PRKG1: variants seen among roughly 807,000 people sequenced by gnomAD.
The protein encoded by PRKG1 is protein kinase cGMP-dependent 1.
Under a neutral mutation model 88.1 loss-of-function variants are expected in PRKG1, and 35 were observed. That is an observed-to-expected ratio of 0.40 (90% confidence interval 0.30 to 0.53). The LOEUF (loss-of-function observed/expected upper bound fraction) is 0.53. Ranked by LOEUF, PRKG1 falls within the 20% of genes least tolerant of loss-of-function variation. The pLI is 0.59. For missense variants in PRKG1, 540 were observed against 839.8 expected, an observed-to-expected ratio of 0.64 and a Z score of 4.41; for synonymous variants, 303 against 292.5, an observed-to-expected ratio of 1.04 and a Z score of -0.37.
intron 9 of PRKG1, among the ~76,000 whole-genome samples, chr10:52,245,753 A>T (rs551826838): frequency 2.2e-4 from 1 of 4,448 alleles, no homozygotes; most frequent in Non-Finnish European, 1.0e-3. Context: ...ACACCATTTT[A>T]TTTATTTATT....
chr10:52,030,129 C>G (rs753452713), intron 5 of PRKG1, among the ~76,000 whole-genome samples: 1 of 152,160 alleles, frequency 6.6e-6, no homozygotes, highest in Non-Finnish European at 1.5e-5. Context: ...CCACAGCTAC[C>G]TTTGTAACTC....
chr10:51,003,320 T>G (rs1309998666), intron 1 of PRKG1, among the ~76,000 whole-genome samples: 2 of 152,220 alleles, frequency 1.3e-5, no homozygotes, highest in African/African-American at 4.8e-5. Context: ...ATTCCCGAAG[T>G]ATAGCAGCAG....
At chr10:52,023,720 A>C (rs1177566771) in intron 5 of PRKG1, among the ~76,000 whole-genome samples, 1 of 152,150 alleles carries the variant, frequency 6.6e-6, no homozygotes, top group Non-Finnish European at 1.5e-5. Flanking sequence ...TCTTCTTTTG[A>C]GAAGTGTCTG....
chr10:51,271,734 C>A (rs529420875), intron 2 of PRKG1, among the ~76,000 whole-genome samples: 1 of 152,198 alleles, frequency 6.6e-6, no homozygotes. Context: ...CATGTCCCTG[C>A]AAAGGGCATG....
At chr10:51,948,126 T>C (rs1403261711) in intron 5 of PRKG1, among the ~76,000 whole-genome samples, 2 of 152,218 alleles carry the variant, frequency 1.3e-5, no homozygotes, top group Non-Finnish European at 2.9e-5. Context: ...CAATTTAAGA[T>C]ATTTATTAAA....
At chr10:51,769,226 A>T (rs1232798662) in intron 3 of PRKG1, among the ~76,000 whole-genome samples, 8 of 152,176 alleles carry the variant, frequency 5.3e-5, no homozygotes, top group African/African-American at 1.9e-4. Context: ...TCGGCGTCAG[A>T]GTGGTTCTCT....
intron 1 of PRKG1, among the ~76,000 whole-genome samples, chr10:51,126,143 ATATT>A (rs1845401086): frequency 8.5e-6 from 1 of 118,002 alleles, no homozygotes; most frequent in Non-Finnish European, 1.6e-5. Context: ...ATAATTATAT[ATATT>A]ATATAATTTT....
At chr10:51,309,335 G>A (rs147219032) in intron 2 of PRKG1, among the ~76,000 whole-genome samples, 2 of 152,238 alleles carry the variant, frequency 1.3e-5, no homozygotes, top group East Asian at 3.9e-4. Flanking sequence ...TGCAAACTAT[G>A]CATCCAACAG....
intron 2 of PRKG1, among the ~76,000 whole-genome samples, chr10:51,389,539 G>A (rs191175490): frequency 6.6e-6 from 1 of 152,174 alleles, no homozygotes; most frequent in East Asian, 1.9e-4. Flanking sequence ...GGGCATCCTG[G>A]GGCAGGCAGA....
chr10:51,301,218 A>G (rs1011785545), intron 2 of PRKG1, among the ~76,000 whole-genome samples: 2 of 152,164 alleles, frequency 1.3e-5, no homozygotes, highest in African/African-American at 4.8e-5. Context: ...CTTAAGCCCC[A>G]TGCTGAGTTC....
intron 8 of PRKG1, among the ~76,000 whole-genome samples, chr10:52,149,572 G>A (rs1431201967): frequency 1.3e-5 from 2 of 152,086 alleles, no homozygotes; most frequent in Admixed American, 6.6e-5. Flanking sequence ...CCAACAGGGC[G>A]CACATGCAGA....
At chr10:51,567,127 A>T (rs932934611) in intron 3 of PRKG1, among the ~76,000 whole-genome samples, 1 of 152,098 alleles carries the variant, frequency 6.6e-6, no homozygotes, top group East Asian at 1.9e-4. Flanking sequence ...ACATAACTTG[A>T]GGATTCAACT....
At chr10:51,518,348 C>T (rs928773781) in intron 3 of PRKG1, among the ~76,000 whole-genome samples, 2 of 152,138 alleles carry the variant, frequency 1.3e-5, no homozygotes, top group African/African-American at 4.8e-5. Context: ...TAAGATTCTT[C>T]TAATTTCTTA....
At chr10:52,227,833 C>G (rs1286243282) in intron 9 of PRKG1, among the ~76,000 whole-genome samples, 2 of 151,906 alleles carry the variant, frequency 1.3e-5, no homozygotes, top group Non-Finnish European at 2.9e-5. Flanking sequence ...GCACATGTGC[C>G]CAGTTATATT....
intron 2 of PRKG1, among the ~76,000 whole-genome samples, chr10:51,434,648 G>A (rs1019493613): frequency 4.6e-5 from 7 of 152,046 alleles, no homozygotes; most frequent in Non-Finnish European, 8.8e-5. Flanking sequence ...TGTTTAAAAC[G>A]TAAGATCAGT....
chr10:52,238,746 T>C (rs1482262616), intron 9 of PRKG1, among the ~76,000 whole-genome samples: 2 of 149,182 alleles, frequency 1.3e-5, no homozygotes, highest in African/African-American at 4.9e-5. Context: ...GTTCAACCAT[T>C]GTGGAAGTCA....
chr10:51,425,082 A>AT (rs1247969146), intron 2 of PRKG1, among the ~76,000 whole-genome samples: 2 of 151,812 alleles, frequency 1.3e-5, no homozygotes, highest in East Asian at 3.9e-4. Flanking sequence ...CGTATCAGGT[A>AT]TTTTGTTAGA....
chr10:51,964,682 C>T (rs762867574), intron 5 of PRKG1, among the ~76,000 whole-genome samples: 11 of 152,114 alleles, frequency 7.2e-5, no homozygotes, highest in African/African-American at 1.2e-4. Flanking sequence ...GGTACACACA[C>T]GCATAAACAC....
chr10:51,069,422 G>A (rs2132795087), intron 1 of PRKG1, among the ~76,000 whole-genome samples: 1 of 152,056 alleles, frequency 6.6e-6, no homozygotes, highest in African/African-American at 2.4e-5. Context: ...GCAGGCACTT[G>A]AATCCCTGTA....
Sources: allele counts gnomAD v4.1 joint callset (sites outside exome capture counted in the v4.1 genomes callset), GRCh38; gene constraint gnomAD v4.1.1; transcripts MANE v1.5; gene names NCBI Gene and HGNC (gene_info 2026-07-23, HGNC 2026-07-21).